Variants in BAIAP2L1 observed in about 807,000 individuals in gnomAD.
BAIAP2L1 encodes the protein BAR/IMD domain containing adaptor protein 2 like 1.
BAIAP2L1 carries 35 observed loss-of-function variants against 66.3 expected under a neutral mutation model. The observed-to-expected ratio is 0.53, with a 90% CI of 0.40 to 0.70. The LOEUF (loss-of-function observed/expected upper bound fraction) is 0.70, where lower values mean the gene tolerates loss of function less well. Ranked by LOEUF, BAIAP2L1 falls within the 30% of genes least tolerant of loss-of-function variation. The pLI, the probability that BAIAP2L1 is intolerant of heterozygous loss-of-function variation, is 0.00. For synonymous variants in BAIAP2L1, 269 were observed against 248.7 expected (o/e 1.08, Z -0.77); for missense variants, 622 against 656.9 (o/e 0.95, Z 0.58).
At chr7:98,299,977 G>A (rs1210222879) in intron 12 of BAIAP2L1, among the ~76,000 whole-genome samples, 1 of 152,176 alleles carries the variant, frequency 6.6e-6, no homozygotes, top group East Asian at 1.9e-4. Context: ...GGAAGTGGAG[G>A]TTGCTGTGAA....
chr7:98,320,200 T>C, intron 4 of BAIAP2L1, 37 bp downstream of exon 4: 1 of 1,588,668 alleles, frequency 6.3e-7, no homozygotes, highest in Non-Finnish European at 8.6e-7. Context: ...AAACCTGAAA[T>C]GAGTGTATTT....
intron 1 of BAIAP2L1, among the ~76,000 whole-genome samples, chr7:98,393,870 G>A (rs1349210500): frequency 2.0e-5 from 3 of 148,388 alleles, no homozygotes; most frequent in African/African-American, 7.4e-5. Context: ...TTGGGAGGCC[G>A]AGGCGGGCGG....
chr7:98,401,039 C>G lies in BAIAP2L1; in HGVS notation c.-187G>C, dbSNP rs1803359515. 2.3e-6 allele frequency: 1 copy of G among 440,584 alleles called. No homozygotes were observed. The highest frequency in any genetic ancestry group is 3.8e-6 in the Non-Finnish European group (1 of 264,612). 27.3% of individuals were successfully genotyped at this position (440,584 alleles called of 1,614,324 possible). ...AAAATGTCAAAACTTGCGGCAGCGC[C>G]GCCCTGGCCTTCTTCGAGGAGCAGA... is the stretch of plus-strand genomic sequence containing the variant. On this transcript the variant is annotated 5_prime_UTR_variant, in exon 1 of 14. Transcript: ENST00000005260.
At chr7:98,369,904 G>C (rs1005670571) in intron 1 of BAIAP2L1, among the ~76,000 whole-genome samples, 1 of 151,790 alleles carries the variant, frequency 6.6e-6, no homozygotes, top group Non-Finnish European at 1.5e-5. Flanking sequence ...ACTCCTGACC[G>C]CAAGTGATTC....
At chr7:98,355,347 G>C (rs2115694734) in intron 2 of BAIAP2L1, 1 of 566,580 alleles carries the variant, frequency 1.8e-6, no homozygotes. Context: ...TCTCTGACCA[G>C]CCCCGGGGAA....
chr7:98,330,242 GGT>G (rs1317744329), intron 3 of BAIAP2L1, among the ~76,000 whole-genome samples: 1 of 152,176 alleles, frequency 6.6e-6, no homozygotes, highest in Admixed American at 6.5e-5. Flanking sequence ...ATATGCTGAG[GGT>G]TCTACTGGGA....
intron 12 of BAIAP2L1, among the ~76,000 whole-genome samples, chr7:98,302,459 C>T (rs879856701): frequency 2.6e-5 from 4 of 152,178 alleles, no homozygotes; most frequent in Non-Finnish European, 5.9e-5. Context: ...AAGAGATGGA[C>T]GTCCACACGT....
chr7:98,292,787 G>A lies in BAIAP2L1; in HGVS notation c.*734C>T, dbSNP rs1800023995. 1.9e-6 allele frequency: 3 copies of A among 1,544,330 alleles called. No individual in the cohort carries two copies. Among genetic ancestry groups the A allele is most frequent in the Non-Finnish European group, 2.6e-6 (3 of 1,142,650 alleles). On this transcript the variant is annotated 3_prime_UTR_variant, in exon 14 of 14. Coordinates refer to ENST00000005260, the MANE Select transcript of BAIAP2L1 (RefSeq NM_018842.5). Reference sequence around the variant, plus strand: ...GCTGAGTGAGAACACAAGGAGCCGTGACTCCGACGCCCAGGCCTGTGTCCT... The same window carrying A: ...GCTGAGTGAGAACACAAGGAGCCGTAACTCCGACGCCCAGGCCTGTGTCCT...
chr7:98,358,896 C>T (rs1802201100), intron 2 of BAIAP2L1, among the ~76,000 whole-genome samples: 1 of 152,170 alleles, frequency 6.6e-6, no homozygotes, highest in East Asian at 1.9e-4. Flanking sequence ...TGGTCCCCTA[C>T]CAGGTGGTGT....
intron 3 of BAIAP2L1, among the ~76,000 whole-genome samples, chr7:98,332,382 C>CAAA (rs55987839): frequency 0.011 from 313 of 27,758 alleles, 59 homozygotes; most frequent in African/African-American, 0.016. Context: ...GACTCCATCT[C>CAAA]AAAAAAAAAA....
At chr7:98,348,937 GA>G (rs1012388126) in intron 3 of BAIAP2L1, among the ~76,000 whole-genome samples, 7 of 152,268 alleles carry the variant, frequency 4.6e-5, no homozygotes, top group African/African-American at 1.4e-4. Flanking sequence ...AGTCTCAGGG[GA>G]AAGTGAGATG....
intron 1 of BAIAP2L1, among the ~76,000 whole-genome samples, chr7:98,370,668 A>T (rs1020891061): frequency 5.9e-5 from 9 of 151,716 alleles, no homozygotes; most frequent in Admixed American, 5.3e-4. Context: ...TGCCCAGCTA[A>T]TTTTTTGTAT....
intron 1 of BAIAP2L1, chr7:98,386,314 C>T (rs922726574): frequency 3.1e-6 from 5 of 1,595,554 alleles, no homozygotes; most frequent in Non-Finnish European, 4.3e-6. Flanking sequence ...TTACCCTGAA[C>T]ATCTTCAGTA....
At chr7:98,386,951 G>C (rs544363487) in intron 1 of BAIAP2L1, among the ~76,000 whole-genome samples, 2 of 151,862 alleles carry the variant, frequency 1.3e-5, no homozygotes, top group Non-Finnish European at 2.9e-5. Context: ...TGCCCGCCTC[G>C]GCCTCCCAAA....
At chr7:98,344,480 A>C (rs553789234) in intron 3 of BAIAP2L1, among the ~76,000 whole-genome samples, 1 of 152,212 alleles carries the variant, frequency 6.6e-6, no homozygotes, top group African/African-American at 2.4e-5. Flanking sequence ...TTCTATTCAT[A>C]AAGGACCTTT....
At chr7:98,313,353 T>C (rs1053026736) in intron 7 of BAIAP2L1, among the ~76,000 whole-genome samples, 24 of 152,176 alleles carry the variant, frequency 1.6e-4, no homozygotes, top group African/African-American at 5.1e-4. Flanking sequence ...CTGGGACCGA[T>C]GGTTAAGTCT....
chr7:98,366,201 G>T (rs535479358), intron 1 of BAIAP2L1, among the ~76,000 whole-genome samples: 7 of 152,162 alleles, frequency 4.6e-5, no homozygotes, highest in Non-Finnish European at 5.9e-5. Flanking sequence ...GTTTGGAGCT[G>T]ATTTTCAGGA....
rs773960359 is a variant in BAIAP2L1, at chr7:98,293,598, T to C, written c.1461-2A>G. On this transcript the variant is annotated splice_acceptor_variant, in intron 13 of 13. Coordinates refer to ENST00000005260, the MANE Select transcript of BAIAP2L1 (RefSeq NM_018842.5). LOFTEE classifies it high-confidence loss of function. Reference sequence around the variant, plus strand: ...ACAGTGGCAAAGGGGTTTTCTCCGCTGCAGGGGATAAGAAAAATCTTTCAG... The same window carrying C: ...ACAGTGGCAAAGGGGTTTTCTCCGCCGCAGGGGATAAGAAAAATCTTTCAG... 4 of 1,613,140 alleles carry C rather than the reference T, an allele frequency of 2.5e-6. No homozygotes were observed. The highest frequency in any genetic ancestry group is 3.4e-6 in the Non-Finnish European group (4 of 1,179,166).
intron 11 of BAIAP2L1, among the ~76,000 whole-genome samples, chr7:98,305,720 G>C (rs1389196197): frequency 6.6e-6 from 1 of 152,180 alleles, no homozygotes; most frequent in Non-Finnish European, 1.5e-5. Context: ...ACCGTGCCCG[G>C]CCAGTTTCCT....
Sources: gnomAD v4.1 joint callset for allele counts (sites outside exome capture counted in the v4.1 genomes callset) on GRCh38, gnomAD v4.1.1 for gene constraint, MANE v1.5 for transcripts, NCBI Gene and HGNC (gene_info 2026-07-23, HGNC 2026-07-21) for gene names.